TBC1D22A: variants seen among roughly 807,000 people sequenced by gnomAD.
The protein encoded by TBC1D22A is TBC1 domain family member 22A, also known as putative GTPase activator.
In TBC1D22A, 38 loss-of-function variants were observed where a neutral mutation model predicts 60.2. That is an observed-to-expected ratio of 0.63 (90% confidence interval 0.49 to 0.83). TBC1D22A has a LOEUF of 0.83. Among genes scored for constraint, TBC1D22A ranks in the 40% least tolerant of loss-of-function variants. The pLI is 0.00. For synonymous variants in TBC1D22A, 302 were observed against 281.7 expected (o/e 1.07, Z -0.72); for missense variants, 628 against 701.0 (o/e 0.90, Z 1.18).
intron 9 of TBC1D22A, among the ~76,000 whole-genome samples, chr22:46,997,240 G>A (rs574788125): frequency 1.3e-5 from 2 of 152,342 alleles, no homozygotes; most frequent in East Asian, 1.9e-4. Flanking sequence ...GTTGGTTCCC[G>A]GCAGGGCTGA....
intron 7 of TBC1D22A, among the ~76,000 whole-genome samples, chr22:46,897,081 A>G (rs2068717015): frequency 6.6e-6 from 1 of 152,168 alleles, no homozygotes; most frequent in Non-Finnish European, 1.5e-5. Flanking sequence ...CGTCTCGTAC[A>G]TGTGTTACCG....
intron 12 of TBC1D22A, among the ~76,000 whole-genome samples, chr22:47,150,595 C>T (rs557941416): frequency 6.6e-6 from 1 of 152,338 alleles, no homozygotes; most frequent in African/African-American, 2.4e-5. Flanking sequence ...CCTGGGCCTT[C>T]TCGCCGAGCT....
intron 12 of TBC1D22A, among the ~76,000 whole-genome samples, chr22:47,152,075 C>G (rs767759120): frequency 2.0e-5 from 3 of 152,210 alleles, no homozygotes; most frequent in Non-Finnish European, 4.4e-5. Flanking sequence ...CACCCACTCT[C>G]CTGCGTGTAT....
At chr22:46,896,114 C>T (rs1469455469) in intron 7 of TBC1D22A, among the ~76,000 whole-genome samples, 6 of 152,182 alleles carry the variant, frequency 3.9e-5, no homozygotes, top group Admixed American at 2.6e-4. Flanking sequence ...TGGTTACTCA[C>T]GGAGTTAAGC....
At chr22:47,173,413 G>C (rs2068569765) in intron 12 of TBC1D22A, 85 bp from the exon 13 acceptor site, 19 of 1,563,414 alleles carry the variant, frequency 1.2e-5, no homozygotes, top group Non-Finnish European at 1.7e-5. Flanking sequence ...ACCTGGGCTT[G>C]TATCTTTCCC....
At chr22:47,055,871 T>TCAG (rs1569397667) in intron 11 of TBC1D22A, among the ~76,000 whole-genome samples, 1 of 151,768 alleles carries the variant, frequency 6.6e-6, no homozygotes, top group African/African-American at 2.4e-5. Context: ...CCACGGAGGG[T>TCAG]TGATGAGATA....
At chr22:46,869,688 A>T (rs114359841) in intron 4 of TBC1D22A, among the ~76,000 whole-genome samples, 2,185 of 152,334 alleles carry the variant, frequency 0.014, 50 homozygotes, top group African/African-American at 0.05. Flanking sequence ...GCCTAGAACC[A>T]CATGTAAGCC....
intron 4 of TBC1D22A, among the ~76,000 whole-genome samples, chr22:46,875,450 ACTTTTTTTTTTT>A (rs977403623): frequency 3.3e-5 from 5 of 151,620 alleles, no homozygotes; most frequent in Non-Finnish European, 5.9e-5. Context: ...GGGCAGCAAT[ACTTTTTTTTTTT>A]CTTTTTTTTG....
At chr22:47,107,879 A>G (rs1170006215) in intron 11 of TBC1D22A, among the ~76,000 whole-genome samples, 3 of 152,360 alleles carry the variant, frequency 2.0e-5, no homozygotes, top group Middle Eastern at 3.4e-3. Context: ...ACAAAAATTA[A>G]CTCAAAATGG....
Position 46,990,556 on chromosome 22 carries a change from C to T in TBC1D22A, c.1126-7078C>T, listed in dbSNP as rs1156713894. ...TCCACAGTTTACACCAGTTGTAGGCCGTGGGTTTTGAAAGGTGTGCAGTGA... is the reference window on the plus strand; with the variant it reads ...TCCACAGTTTACACCAGTTGTAGGCTGTGGGTTTTGAAAGGTGTGCAGTGA... On this transcript the variant is annotated intron_variant, in intron 9 of 12. Coordinates refer to ENST00000337137, the MANE Select transcript of TBC1D22A (RefSeq NM_014346.5). The surrounding 1 kb of genome is among the most constrained non-coding windows in gnomAD (Gnocchi z 4.6). Among the ~76,000 whole-genome samples the T allele has an allele frequency of 3.3e-5, 5 of 152,110 alleles. No homozygotes were observed. Among genetic ancestry groups the T allele is most frequent in the East Asian group, 1.9e-4 (1 of 5,196 alleles).
chr22:46,800,288 C>T (rs564757498), intron 4 of TBC1D22A, among the ~76,000 whole-genome samples: 1 of 152,288 alleles, frequency 6.6e-6, no homozygotes, highest in Admixed American at 6.5e-5. Context: ...GGCGAGAAGG[C>T]AGTGTGGGGG....
chr22:46,891,444 C>T, intron 6 of TBC1D22A, 50 bp downstream of exon 6: 1 of 1,542,058 alleles, frequency 6.5e-7, no homozygotes, highest in East Asian at 2.4e-5. Context: ...CTTTGCTTTG[C>T]TGTGATTTAT....
chr22:46,939,271 G>A (rs1307327495), intron 8 of TBC1D22A, among the ~76,000 whole-genome samples: 1 of 152,178 alleles, frequency 6.6e-6, no homozygotes, highest in Admixed American at 6.5e-5. Context: ...TCATATCAGC[G>A]AATTCGCAGA....
intron 12 of TBC1D22A, among the ~76,000 whole-genome samples, chr22:47,112,457 G>T (rs1411037210): frequency 6.6e-6 from 1 of 152,220 alleles, no homozygotes; most frequent in African/African-American, 2.4e-5. Flanking sequence ...GGTCCCCAGG[G>T]CAGTGCTCTG....
In TBC1D22A at chr22:46,971,826, G is replaced by A. The variant is rs548869550; in HGVS notation, c.1016-2464G>A. ...AGGGCCTTTCCCTGGGAGTCCCTGT[G>A]GGGGCTTCATCAGAGGGTGTGCTCA... On this transcript the variant is annotated intron_variant, in intron 8 of 12. Coordinates refer to ENST00000337137, the MANE Select transcript of TBC1D22A (RefSeq NM_014346.5). 2.0e-5 allele frequency among the ~76,000 whole-genome samples: 3 copies of A among 152,356 alleles called. No individual in the cohort carries two copies. In the East Asian group the frequency reaches 5.8e-4, roughly 29 times the overall value.
At chr22:46,907,303 G>A (rs2069559195) in intron 7 of TBC1D22A, among the ~76,000 whole-genome samples, 1 of 152,164 alleles carries the variant, frequency 6.6e-6, no homozygotes, top group Non-Finnish European at 1.5e-5. Flanking sequence ...TTTCAATGGA[G>A]TTACTTCTGC....
chr22:46,993,915 C>T (rs528963506), intron 9 of TBC1D22A, among the ~76,000 whole-genome samples: 4 of 152,232 alleles, frequency 2.6e-5, no homozygotes, highest in Non-Finnish European at 2.9e-5. Flanking sequence ...ACCGACCCCC[C>T]TGTGTCTTAG....
chr22:46,997,820 G>C (rs2075172375), intron 10 of TBC1D22A, 111 bp downstream of exon 10: 2 of 922,090 alleles, frequency 2.2e-6, no homozygotes, highest in Admixed American at 2.1e-5. Context: ...GGCCTGCTCA[G>C]GATCCCTCAT....
chr22:46,820,334 G>A (rs570446564), intron 4 of TBC1D22A, among the ~76,000 whole-genome samples: 5 of 152,134 alleles, frequency 3.3e-5, no homozygotes, highest in South Asian at 2.1e-4. Flanking sequence ...TTAGGGCGTC[G>A]ATTTGAGATC....
Sources: gnomAD v4.1 joint callset for allele counts (sites outside exome capture counted in the v4.1 genomes callset) on GRCh38, gnomAD v4.1.1 for gene constraint, Gnocchi (gnomAD v3.1) non-coding constraint, MANE v1.5 for transcripts, NCBI Gene and HGNC (gene_info 2026-07-23, HGNC 2026-07-21) for gene names.